WWTR1: variants seen among roughly 807,000 people sequenced by gnomAD.
WWTR1 encodes WW domain-containing transcription regulator protein 1.
WWTR1 carries 13 observed loss-of-function variants against 40.1 expected under a neutral mutation model. That is an observed-to-expected ratio of 0.32 (90% CI 0.21 to 0.52). The LOEUF (loss-of-function observed/expected upper bound fraction) is 0.52. Among genes scored for constraint, WWTR1 ranks in the 20% least tolerant of loss-of-function variants. The pLI is 0.97. For synonymous variants in WWTR1, 230 were observed against 210.1 expected (o/e 1.09, Z -0.82); for missense variants, 436 against 523.1 (o/e 0.83, Z 1.63).
intron 1 of WWTR1, chr3:149,702,927 T>G (rs1715240630): frequency 1.3e-5 from 2 of 152,242 alleles, no homozygotes; most frequent in African/African-American, 4.8e-5. Flanking sequence ...AAGTCAGTTC[T>G]GCCAGGAAGG....
At chr3:149,709,078 C>T (rs1227354371) in intron 5 of WWTR1, among the ~76,000 whole-genome samples, 6 of 152,136 alleles carry the variant, frequency 3.9e-5, no homozygotes, top group East Asian at 1.9e-4. Flanking sequence ...CGGGCTCAAG[C>T]GATCCTCCCA....
At chr3:149,637,068 G>A (rs1303656211) in intron 2 of WWTR1, among the ~76,000 whole-genome samples, 1 of 151,086 alleles carries the variant, frequency 6.6e-6, no homozygotes, top group African/African-American at 2.4e-5. Flanking sequence ...AAAAATAAAG[G>A]ACAAGTACTC....
At chr3:149,719,641 C>T (rs1589515) in intron 4 of WWTR1, among the ~76,000 whole-genome samples, 63,250 of 152,004 alleles carry the variant, frequency 0.42, 14,409 homozygotes, top group African/African-American at 0.6. Context: ...GAGTATGGCA[C>T]TGCTGGATCA....
intron 3 of WWTR1, among the ~76,000 whole-genome samples, chr3:149,570,656 A>G (rs1048318289): frequency 2.0e-5 from 3 of 151,980 alleles, no homozygotes; most frequent in South Asian, 2.1e-4. Flanking sequence ...TTACTGAGCT[A>G]CAGGTAAATT....
intron 2 of WWTR1, among the ~76,000 whole-genome samples, chr3:149,643,807 C>T (rs552674393): frequency 8.5e-5 from 13 of 152,258 alleles, no homozygotes; most frequent in African/African-American, 2.6e-4. Context: ...CTTCCTTGAC[C>T]TCTGAGAAAC....
At chr3:149,623,658 T>C (rs955427844) in intron 2 of WWTR1, among the ~76,000 whole-genome samples, 1 of 152,222 alleles carries the variant, frequency 6.6e-6, no homozygotes, top group African/African-American at 2.4e-5. Context: ...AGAGAAATAC[T>C]TTCTATGGGT....
At chr3:149,639,552 G>A (rs1451112658) in intron 2 of WWTR1, among the ~76,000 whole-genome samples, 1 of 151,992 alleles carries the variant, frequency 6.6e-6, no homozygotes, top group Non-Finnish European at 1.5e-5. Flanking sequence ...CAACATGTCT[G>A]GTCTTCTTTC....
At position 149,657,342 on chromosome 3, in the gene WWTR1, T is replaced by A. The variant is rs1372716811; in HGVS notation, c.-3-33A>T. The A allele has an allele frequency of 3.2e-6, 5 of 1,575,192 alleles. No homozygotes were observed. The African/African-American group carries it at 4.0e-5, about 13-fold the overall frequency. The stretch of plus-strand genomic sequence containing the variant: ...AAGAAGGTCAGATCAGCCTTTTATT[T>A]AAAGTCGGAGGAAGTGGGTAAGAGG... On this transcript the variant is annotated intron_variant, in intron 1 of 6. Transcript: ENST00000360632.
At chr3:149,553,392 A>T (rs1408915028) in intron 3 of WWTR1, among the ~76,000 whole-genome samples, 1 of 152,214 alleles carries the variant, frequency 6.6e-6, no homozygotes, top group East Asian at 1.9e-4. Context: ...AGTCTAACAG[A>T]CTATTTTAAT....
At chr3:149,590,249 C>T (rs990846277) in intron 2 of WWTR1, among the ~76,000 whole-genome samples, 4 of 152,106 alleles carry the variant, frequency 2.6e-5, no homozygotes, top group African/African-American at 9.7e-5. Flanking sequence ...AATAACCATG[C>T]TGTTAATGTC....
At chr3:149,589,797 AATG>A (rs1738612244) in intron 2 of WWTR1, among the ~76,000 whole-genome samples, 1 of 26,184 alleles carries the variant, frequency 3.8e-5, no homozygotes, top group African/African-American at 2.9e-4. Context: ...GAATTAAAGG[AATG>A]AATGAATGAA....
chr3:149,689,956 G>T (rs1042017234), intron 1 of WWTR1, among the ~76,000 whole-genome samples: 1 of 152,090 alleles, frequency 6.6e-6, no homozygotes, highest in Non-Finnish European at 1.5e-5. Context: ...AAACCACAAG[G>T]AGTTAAAAGT....
intron 2 of WWTR1, among the ~76,000 whole-genome samples, chr3:149,635,646 AAGG>A (rs61631032): frequency 0.051 from 7,781 of 152,040 alleles, 267 homozygotes; most frequent in African/African-American, 0.097. Context: ...AAGAAGGAAG[AAGG>A]AGAAGAAGAA....
At chr3:149,702,346 C>T (rs1481938601) in intron 1 of WWTR1, 1 of 152,090 alleles carries the variant, frequency 6.6e-6, no homozygotes, top group Non-Finnish European at 1.5e-5. Context: ...GAATGGCAGG[C>T]TGGCTCAATG....
In WWTR1 at chr3:149,518,626, G is replaced by A. The variant is rs1734901391; in HGVS notation, c.*2179C>T. The A allele has an allele frequency of 6.6e-6, 1 of 152,008 alleles. No individual in the cohort carries two copies. Among genetic ancestry groups the A allele is most frequent in the Non-Finnish European group, 1.5e-5 (1 of 68,022 alleles). 9.4% of individuals were successfully genotyped at this position (152,008 alleles called of 1,614,324 possible). Reference sequence around the variant, plus strand: ...AAGGAATTAGAGGAACATAAACCATGGGTCCTTCAGGTAAAATAAGTCATT... The same window carrying A: ...AAGGAATTAGAGGAACATAAACCATAGGTCCTTCAGGTAAAATAAGTCATT... On this transcript the variant is annotated 3_prime_UTR_variant, in exon 7 of 7. Transcript: ENST00000360632.
At chr3:149,605,594 A>G (rs746491701) in intron 2 of WWTR1, among the ~76,000 whole-genome samples, 3 of 152,198 alleles carry the variant, frequency 2.0e-5, no homozygotes, top group Non-Finnish European at 4.4e-5. Flanking sequence ...ACTGTGGCGC[A>G]TGCAAGTAGA....
chr3:149,582,703 G>A (rs1480582986), intron 2 of WWTR1, among the ~76,000 whole-genome samples: 1 of 152,046 alleles, frequency 6.6e-6, no homozygotes, highest in Non-Finnish European at 1.5e-5. Context: ...GCACCCCAGT[G>A]TGGGCGGCAG....
chr3:149,527,923 G>A lies in WWTR1; in HGVS notation c.818C>T (p.Ala273Val). 6.2e-7 allele frequency: 1 copy of A among 1,614,038 alleles called. No homozygotes were observed. The highest frequency in any genetic ancestry group is 8.5e-7 in the Non-Finnish European group (1 of 1,179,948). ...TGGGTTGACAGCAGCCTGAACTGGG[G>A]CAAGAGTCTCAGCTTCCATGGGGAG... ...RQLPMEAETLAPVQAAVNPPT... is the reference protein window; with the variant it reads ...RQLPMEAETLVPVQAAVNPPT... Residue 273 changes from alanine to valine, a missense_variant, in exon 5 of 7, where the codon GCC (alanine) becomes GTC (valine). Physicochemically the swap from Ala to Val is moderately conservative, Grantham distance 64. Coordinates refer to ENST00000360632, the MANE Select transcript of WWTR1 (RefSeq NM_015472.6).
intron 4 of WWTR1, among the ~76,000 whole-genome samples, chr3:149,539,882 T>C (rs1736008552): frequency 6.6e-6 from 1 of 152,006 alleles, no homozygotes; most frequent in Non-Finnish European, 1.5e-5. Flanking sequence ...AGAAAACTAT[T>C]ATAGAACACT....
Sources: allele counts gnomAD v4.1 joint callset (sites outside exome capture counted in the v4.1 genomes callset), GRCh38; gene constraint gnomAD v4.1.1; transcripts MANE v1.5; gene names NCBI Gene and HGNC (gene_info 2026-07-23, HGNC 2026-07-21).